The following UNC13C variants were observed in gnomAD, a reference collection of about 807,000 sequenced individuals.
UNC13C encodes unc-13 homolog C.
UNC13C carries 174 observed loss-of-function variants against 245.4 expected under a neutral mutation model. The observed-to-expected ratio is 0.71, with a 90% confidence interval of 0.63 to 0.80. The LOEUF (loss-of-function observed/expected upper bound fraction) is 0.80, where lower values mean the gene tolerates loss of function less well. UNC13C is among the 30% of genes least tolerant of loss of function. The probability of loss-of-function intolerance (pLI) is 0.00; values close to 1 mark genes in which losing one functional copy is unlikely to be tolerated. For missense variants in UNC13C, 2,829 were observed against 2,602.9 expected, an observed-to-expected ratio of 1.09 and a Z score of -1.89; for synonymous variants, 992 against 895.1, an observed-to-expected ratio of 1.11 and a Z score of -1.93.
intron 2 of UNC13C, among the ~76,000 whole-genome samples, chr15:54,085,649 G>A (rs1899197585): frequency 1.3e-5 from 2 of 152,008 alleles, no homozygotes; most frequent in South Asian, 2.1e-4. Context: ...GGTCTCCTTT[G>A]TCACCCAGGC....
At chr15:54,519,721 A>G (rs1895135981) in intron 24 of UNC13C, among the ~76,000 whole-genome samples, 1 of 152,204 alleles carries the variant, frequency 6.6e-6, no homozygotes, top group African/African-American at 2.4e-5. Flanking sequence ...TAGTATGGTT[A>G]GAGCTGGGCA....
At chr15:53,893,009 T>C in the UNC13C span, among the ~76,000 whole-genome samples, 1 of 152,182 alleles carries the variant, frequency 6.6e-6, no homozygotes, top group Non-Finnish European at 1.5e-5. Context: ...TTTGTGGATT[T>C]ATCTACCTTT....
chr15:54,572,220 G>T (rs932372881), intron 30 of UNC13C, among the ~76,000 whole-genome samples: 1 of 151,882 alleles, frequency 6.6e-6, no homozygotes, highest in African/African-American at 2.4e-5. Flanking sequence ...CAAGTAAAAA[G>T]GCTCACTACC....
chr15:54,047,630 C>T (rs1159465094), intron 2 of UNC13C, among the ~76,000 whole-genome samples: 1 of 152,114 alleles, frequency 6.6e-6, no homozygotes. Flanking sequence ...TATTGTACCA[C>T]ATTTGTTTAT....
chr15:54,029,823 C>T (rs905848953), intron 2 of UNC13C, among the ~76,000 whole-genome samples: 4 of 152,124 alleles, frequency 2.6e-5, no homozygotes, highest in African/African-American at 7.2e-5. Flanking sequence ...GCTGCAGCTC[C>T]GGTGGACCAG....
At chr15:54,615,104 AT>A (rs1900343451) in intron 30 of UNC13C, among the ~76,000 whole-genome samples, 1 of 151,858 alleles carries the variant, frequency 6.6e-6, no homozygotes, top group African/African-American at 2.4e-5. Context: ...CACTTTTTAA[AT>A]TTTTCGTGGG....
At chr15:54,538,620 A>C (rs559040213) in intron 26 of UNC13C, among the ~76,000 whole-genome samples, 240 of 152,264 alleles carry the variant, frequency 1.6e-3, no homozygotes, top group African/African-American at 5.7e-3. Flanking sequence ...GGTAGACTGG[A>C]TAAAGAAAAT....
intron 19 of UNC13C, among the ~76,000 whole-genome samples, chr15:54,433,619 G>A (rs1275603079): frequency 2.0e-5 from 3 of 151,602 alleles, no homozygotes; most frequent in Non-Finnish European, 3.0e-5. Context: ...AAACTTATAG[G>A]CAATATCATA....
At chr15:54,016,017 G>T in intron 2 of UNC13C, 131 bp downstream of exon 2, 4 of 802,918 alleles carry the variant, frequency 5.0e-6, no homozygotes, top group African/African-American at 1.7e-5. Flanking sequence ...TTTACTCTGA[G>T]GAGCATTTTG....
At chr15:54,517,723 G>A (rs1176063458) in intron 24 of UNC13C, among the ~76,000 whole-genome samples, 1 of 152,120 alleles carries the variant, frequency 6.6e-6, no homozygotes, top group Non-Finnish European at 1.5e-5. Flanking sequence ...CTAGGAACTG[G>A]AGATACATTA....
At chr15:54,480,729 G>T (rs1163689429) in intron 19 of UNC13C, among the ~76,000 whole-genome samples, 1 of 151,858 alleles carries the variant, frequency 6.6e-6, no homozygotes, top group East Asian at 1.9e-4. Context: ...TATGAAATTT[G>T]TTACTAGAGA....
chr15:54,361,404 A>G (rs74246495), intron 17 of UNC13C, among the ~76,000 whole-genome samples: 2,570 of 152,166 alleles, frequency 0.017, 45 homozygotes, highest in Non-Finnish European at 0.02. Context: ...TCCAAATTTC[A>G]TCAGTTTTCT....
intron 4 of UNC13C, among the ~76,000 whole-genome samples, chr15:54,210,211 T>A (rs1457363813): frequency 7.4e-6 from 1 of 134,798 alleles, no homozygotes; most frequent in Admixed American, 7.8e-5. Context: ...ATATATAAAA[T>A]ATATATATAT....
At chr15:54,031,324 C>T (rs566523311) in intron 2 of UNC13C, among the ~76,000 whole-genome samples, 10 of 152,266 alleles carry the variant, frequency 6.6e-5, no homozygotes, top group Admixed American at 4.6e-4. Context: ...CCCGGGTTCA[C>T]GCCATTCTCC....
downstream of UNC13C, chr15:54,629,541 A>G (rs1317631251): frequency 6.6e-6 from 1 of 152,210 alleles, no homozygotes; most frequent in African/African-American, 2.4e-5. Context: ...GAACTAATGT[A>G]TCTACCTATA....
intron 8 of UNC13C, among the ~76,000 whole-genome samples, chr15:54,257,327 T>C (rs2036305160): frequency 6.6e-6 from 1 of 152,224 alleles, no homozygotes; most frequent in Non-Finnish European, 1.5e-5. Context: ...CTTTTGACTC[T>C]GTGATGACTG....
At chr15:54,000,878 G>A (rs79366081) in intron 1 of UNC13C, among the ~76,000 whole-genome samples, 6 of 152,172 alleles carry the variant, frequency 3.9e-5, no homozygotes, top group East Asian at 1.9e-4. Flanking sequence ...CTTGTTATAC[G>A]TATATTTAAT....
chr15:53,860,573 C>T, the UNC13C span, among the ~76,000 whole-genome samples: 1 of 152,142 alleles, frequency 6.6e-6, no homozygotes, highest in African/African-American at 2.4e-5. Context: ...CTGAATCTCT[C>T]TTAGAATGAC....
chr15:54,174,356 G>A (rs559315516), intron 4 of UNC13C, among the ~76,000 whole-genome samples: 3 of 152,210 alleles, frequency 2.0e-5, no homozygotes, highest in South Asian at 2.1e-4. Context: ...TCAGGAATAC[G>A]GGTTTTCTTC....
Sources: gnomAD v4.1 joint callset for allele counts (sites outside exome capture counted in the v4.1 genomes callset) on GRCh38, gnomAD v4.1.1 for gene constraint, MANE v1.5 for transcripts, NCBI Gene and HGNC (gene_info 2026-07-23, HGNC 2026-07-21) for gene names.